The following ROBO1 variants were observed in gnomAD, a reference collection of about 807,000 sequenced individuals.
The protein encoded by ROBO1 is roundabout homolog 1.
Under a neutral mutation model 195.9 loss-of-function variants are expected in ROBO1, and 149 were observed. The ratio of observed to expected loss-of-function variants is 0.76; its 90% CI spans 0.67 to 0.87. The LOEUF (loss-of-function observed/expected upper bound fraction) is 0.87, where lower values mean the gene tolerates loss of function less well. Ranked by LOEUF, ROBO1 falls within the 40% of genes least tolerant of loss-of-function variation. ROBO1 has a pLI of 0.00. For missense variants in ROBO1, 1,933 were observed against 2,068.3 expected, an observed-to-expected ratio of 0.93 and a Z score of 1.27; for synonymous variants, 816 against 733.2, an observed-to-expected ratio of 1.11 and a Z score of -1.82.
intron 1 of ROBO1, among the ~76,000 whole-genome samples, chr3:79,633,817 C>T (rs1945418151): frequency 3.3e-5 from 5 of 151,960 alleles, no homozygotes; most frequent in African/African-American, 9.7e-5. Context: ...AGCTAAAAAT[C>T]TTTCTTGTTT....
chr3:79,645,372 C>G (rs1361550144), intron 1 of ROBO1, among the ~76,000 whole-genome samples: 1 of 151,908 alleles, frequency 6.6e-6, no homozygotes, highest in East Asian at 1.9e-4. Context: ...CATGGTGATG[C>G]ACACCTGTAG....
At chr3:78,829,955 CAA>C (rs1175836828) in intron 4 of ROBO1, among the ~76,000 whole-genome samples, 16 of 152,066 alleles carry the variant, frequency 1.1e-4, no homozygotes, top group African/African-American at 3.1e-4. Context: ...TGAATAAACA[CAA>C]ACTTATGGGT....
chr3:78,841,384 G>C (rs2033187351), intron 4 of ROBO1, among the ~76,000 whole-genome samples: 1 of 152,068 alleles, frequency 6.6e-6, no homozygotes, highest in Admixed American at 6.5e-5. Context: ...CAAATGTTGG[G>C]GCTGAGTCCC....
chr3:78,904,577 C>T (rs1022237537), intron 4 of ROBO1, among the ~76,000 whole-genome samples: 2 of 151,982 alleles, frequency 1.3e-5, no homozygotes, highest in African/African-American at 2.4e-5. Flanking sequence ...GCAAAAGTAG[C>T]TCAGAATTCC....
intron 2 of ROBO1, among the ~76,000 whole-genome samples, chr3:79,209,350 C>T (rs2081929909): frequency 6.6e-6 from 1 of 152,136 alleles, no homozygotes; most frequent in Non-Finnish European, 1.5e-5. Context: ...AGTAGTATTC[C>T]ATGGTGTATG....
At chr3:78,907,948 TA>T (rs1261027269) in intron 4 of ROBO1, among the ~76,000 whole-genome samples, 2 of 151,972 alleles carry the variant, frequency 1.3e-5, no homozygotes, top group Non-Finnish European at 2.9e-5. Context: ...CTTTATTTCC[TA>T]ATGGAAAGAA....
chr3:79,143,902 A>G (rs1176012181), intron 2 of ROBO1, among the ~76,000 whole-genome samples: 3 of 151,930 alleles, frequency 2.0e-5, no homozygotes, highest in Admixed American at 6.6e-5. Context: ...TATTATCCAT[A>G]TCCACATTTT....
intron 1 of ROBO1, among the ~76,000 whole-genome samples, chr3:79,690,976 T>C (rs963004999): frequency 4.6e-5 from 7 of 151,940 alleles, no homozygotes; most frequent in African/African-American, 1.7e-4. Flanking sequence ...TTTACATATA[T>C]AATTTATTCT....
intron 2 of ROBO1, among the ~76,000 whole-genome samples, chr3:79,509,935 A>G: frequency 6.6e-6 from 1 of 152,118 alleles, no homozygotes; most frequent in East Asian, 1.9e-4. Context: ...AATATTTACC[A>G]TATATCAGGC....
At chr3:78,858,050 C>T (rs1362344001) in intron 4 of ROBO1, among the ~76,000 whole-genome samples, 1 of 152,048 alleles carries the variant, frequency 6.6e-6, no homozygotes, top group Non-Finnish European at 1.5e-5. Flanking sequence ...ATATCGGATG[C>T]CTCCAGCTCC....
intron 2 of ROBO1, among the ~76,000 whole-genome samples, chr3:79,352,012 G>C (rs1374366489): frequency 6.6e-6 from 1 of 152,152 alleles, no homozygotes; most frequent in Non-Finnish European, 1.5e-5. Context: ...TGTCCTTGCT[G>C]ACTTAATTTG....
intron 2 of ROBO1, among the ~76,000 whole-genome samples, chr3:79,237,169 T>G (rs1247508616): frequency 1.3e-5 from 2 of 152,104 alleles, no homozygotes; most frequent in Non-Finnish European, 2.9e-5. Flanking sequence ...TTGGTGATAA[T>G]GTTCTTGAAA....
At chr3:79,652,032 G>A (rs1437951298) in intron 1 of ROBO1, among the ~76,000 whole-genome samples, 25 of 152,096 alleles carry the variant, frequency 1.6e-4, no homozygotes, top group Non-Finnish European at 2.9e-5. Flanking sequence ...TATGTGTAAA[G>A]TTATACATGT....
At chr3:79,407,228 A>G (rs2037583495) in intron 2 of ROBO1, among the ~76,000 whole-genome samples, 2 of 152,172 alleles carry the variant, frequency 1.3e-5, no homozygotes, top group African/African-American at 4.8e-5. Context: ...TCTCCCAGCC[A>G]TCAACACATA....
intron 2 of ROBO1, among the ~76,000 whole-genome samples, chr3:79,155,489 T>A (rs1029173117): frequency 6.6e-6 from 1 of 151,722 alleles, no homozygotes; most frequent in African/African-American, 2.4e-5. Flanking sequence ...GACTCAAATA[T>A]TTTTTTCATA....
chr3:79,489,630 G>C lies in ROBO1; in HGVS notation c.88+100194C>G, dbSNP rs1939347360. Among the ~76,000 whole-genome samples the C allele has an allele frequency of 1.3e-5, 2 of 148,758 alleles. 1 individual carries two copies. Among genetic ancestry groups the C allele is most frequent in the East Asian group, 3.9e-4 (2 of 5,112 alleles). ...AGAACACGCCACTGCACTCCAGCCTGGGGAGAGTGAGACTTCATCTCAAAA... is the reference window on the plus strand; with the variant it reads ...AGAACACGCCACTGCACTCCAGCCTCGGGAGAGTGAGACTTCATCTCAAAA... On this transcript the variant is annotated intron_variant, in intron 2 of 30. Coordinates refer to ENST00000464233, the MANE Select transcript of ROBO1 (RefSeq NM_002941.4).
At chr3:78,863,410 G>A (rs1401933495) in intron 4 of ROBO1, among the ~76,000 whole-genome samples, 1 of 152,156 alleles carries the variant, frequency 6.6e-6, no homozygotes, top group Non-Finnish European at 1.5e-5. Flanking sequence ...GCAGGAAGGA[G>A]CAGCCAGGGG....
chr3:79,284,002 A>G lies in ROBO1; in HGVS notation c.89-158463T>C, dbSNP rs1197066738. Among the ~76,000 whole-genome samples, 4 of 152,036 alleles carry G rather than the reference A, an allele frequency of 2.6e-5. No homozygotes were observed. In the East Asian group the frequency reaches 7.7e-4, roughly 29 times the overall value. On this transcript the variant is annotated intron_variant, in intron 2 of 30. Coordinates refer to ENST00000464233, the MANE Select transcript of ROBO1 (RefSeq NM_002941.4). ...GTGAGCCACCGCGCCCGGCCTATCC[A>G]TGAATTCTTAAAAATGTTTTCTGTT... is the stretch of plus-strand genomic sequence containing the variant.
intron 2 of ROBO1, among the ~76,000 whole-genome samples, chr3:79,458,325 T>C (rs922279370): frequency 6.6e-6 from 1 of 152,146 alleles, no homozygotes; most frequent in Non-Finnish European, 1.5e-5. Flanking sequence ...CAGAAATGTT[T>C]GCCAAACAAT....
Sources: gnomAD v4.1 joint callset for allele counts (sites outside exome capture counted in the v4.1 genomes callset) on GRCh38, gnomAD v4.1.1 for gene constraint, MANE v1.5 for transcripts, NCBI Gene and HGNC (gene_info 2026-07-23, HGNC 2026-07-21) for gene names.